The following ITIH5 variants were observed in gnomAD, a reference collection of about 807,000 sequenced individuals.
ITIH5 encodes the protein inter-alpha-trypsin inhibitor heavy chain H5.
In ITIH5, 65 loss-of-function variants were observed where a neutral mutation model predicts 77.5. The observed-to-expected ratio is 0.84, with a 90% CI of 0.69 to 1.03. The LOEUF is 1.03. ITIH5 is among the 50% of genes least tolerant of loss of function. The probability of loss-of-function intolerance (pLI) is 0.00; values close to 1 mark genes in which losing one functional copy is unlikely to be tolerated. For synonymous variants in ITIH5, 525 were observed against 494.3 expected, an observed-to-expected ratio of 1.06 and a Z score of -0.82; for missense variants, 1,208 against 1,213.1, an observed-to-expected ratio of 1.00 and a Z score of 0.06.
chr10:7,647,719 T>C (rs1221377059), intron 2 of ITIH5, among the ~76,000 whole-genome samples: 2 of 152,218 alleles, frequency 1.3e-5, no homozygotes, highest in Admixed American at 6.5e-5. Flanking sequence ...CTTTGTTATG[T>C]TTTGTAAACT....
At chr10:7,636,579 A>G (rs577782624) in intron 5 of ITIH5, among the ~76,000 whole-genome samples, 12 of 152,276 alleles carry the variant, frequency 7.9e-5, no homozygotes, top group African/African-American at 2.9e-4. Flanking sequence ...ATATAATTGA[A>G]TCTTTAGGCT....
In ITIH5 at chr10:7,561,177, G is replaced by C. The variant is rs1006590307; in HGVS notation, c.*1906C>G. The C allele has an allele frequency of 6.6e-6, 1 of 152,206 alleles. No individual in the cohort carries two copies. The highest frequency in any genetic ancestry group is 1.5e-5 in the Non-Finnish European group (1 of 68,038). 9.4% of individuals were successfully genotyped at this position (152,206 alleles called of 1,614,324 possible). A position where few individuals can be genotyped will look rare whatever the true frequency, so the allele number is the denominator to read the frequency against. ...TTTTCTGAGCAAGCAAGTTAGCTAT[G>C]GATAGCTCATTGGAATGTTTTTCTC... On this transcript the variant is annotated 3_prime_UTR_variant, in exon 14 of 14. Transcript: ENST00000397146.
At chr10:7,585,671 GT>G (rs1832658144) in intron 8 of ITIH5, among the ~76,000 whole-genome samples, 1 of 152,054 alleles carries the variant, frequency 6.6e-6, no homozygotes, top group African/African-American at 2.4e-5. Flanking sequence ...CACCTATCAG[GT>G]TATTTTCCCC....
In ITIH5 at chr10:7,563,162, C is replaced by G. The variant is rs781142532; in HGVS notation, c.2750G>C (p.Gly917Ala). The G allele has an allele frequency of 1.4e-4, 220 of 1,614,156 alleles. 1 individual carries two copies. The East Asian group carries it at 4.8e-3, about 35-fold the overall frequency. The change falls in exon 14 of 14, where the codon GGG (glycine) becomes GCG (alanine). Residue 917 changes from glycine to alanine, a missense_variant. Transcript: ENST00000397146. ...GGATGCCAGGTAATCCTTGTACTCC[C>G]CGTCAATCAGTTTGGCGGCATTGTT... ...ARNNAAKLIDGEYKDYLASHP... is the reference protein window; with the variant it reads ...ARNNAAKLIDAEYKDYLASHP...
chr10:7,629,602 C>T (rs143337423), intron 5 of ITIH5, among the ~76,000 whole-genome samples: 163 of 132,928 alleles, frequency 1.2e-3, no homozygotes, highest in African/African-American at 4.0e-3. Context: ...CATGTTGTAG[C>T]GTGTATCCAT....
Position 7,584,663 on chromosome 10 carries a change from A to C in ITIH5, c.1108+1238T>G, listed in dbSNP as rs183822711. ...GCCCCCACTCCACCAGCACACACACATCATTCTGCTAGTAAGCAGGGCCAT... is the reference window on the plus strand; with the variant it reads ...GCCCCCACTCCACCAGCACACACACCTCATTCTGCTAGTAAGCAGGGCCAT... On this transcript the variant is annotated intron_variant, in intron 8 of 13. Transcript: ENST00000397146. 2.0e-5 allele frequency among the ~76,000 whole-genome samples: 3 copies of C among 152,236 alleles called. No individual in the cohort carries two copies. In the East Asian group the frequency reaches 5.8e-4, roughly 29 times the overall value.
chr10:7,646,226 A>G (rs1465551666), intron 2 of ITIH5, among the ~76,000 whole-genome samples: 1 of 152,232 alleles, frequency 6.6e-6, no homozygotes, highest in East Asian at 1.9e-4. Flanking sequence ...CCACAAACTC[A>G]GTATATTCTA....
At chr10:7,654,373 C>G (rs528690203) in intron 2 of ITIH5, among the ~76,000 whole-genome samples, 40 of 152,306 alleles carry the variant, frequency 2.6e-4, no homozygotes, top group Non-Finnish European at 4.6e-4. Flanking sequence ...GCACAATTTG[C>G]AAGCAGAGAC....
rs538015221 is a variant in ITIH5, at chr10:7,593,970, A to G, written c.940-7901T>C. Among the ~76,000 whole-genome samples, 13 of 152,368 alleles carry G rather than the reference A, an allele frequency of 8.5e-5. No homozygotes were observed. The South Asian group carries it at 2.7e-3, about 32-fold the overall frequency. Reference sequence around the variant, plus strand: ...TCCTGTGGGAGGCTTAAGAGGAAAGAGGAGGAGCGTCCACACAGAAGGGTT... The same window carrying G: ...TCCTGTGGGAGGCTTAAGAGGAAAGGGGAGGAGCGTCCACACAGAAGGGTT... On this transcript the variant is annotated intron_variant, in intron 7 of 13. Coordinates refer to ENST00000397146, the MANE Select transcript of ITIH5 (RefSeq NM_030569.7).
chr10:7,602,538 C>T (rs904180712), intron 7 of ITIH5, among the ~76,000 whole-genome samples: 2 of 152,192 alleles, frequency 1.3e-5, no homozygotes, highest in Non-Finnish European at 2.9e-5. Flanking sequence ...CCCCTGCTTG[C>T]ACTCACTCTG....
At chr10:7,662,147 C>G (rs1343615586) in intron 1 of ITIH5, among the ~76,000 whole-genome samples, 1 of 152,144 alleles carries the variant, frequency 6.6e-6, no homozygotes, top group East Asian at 1.9e-4. Flanking sequence ...CATCTGAGAT[C>G]AGGAGTTCGA....
chr10:7,606,227 C>T (rs10752113), intron 7 of ITIH5, among the ~76,000 whole-genome samples: 113,997 of 152,160 alleles, frequency 0.75, 42,846 homozygotes, highest in Admixed American at 0.8. Context: ...GGAGCTCCTA[C>T]TCAATCCAGC....
chr10:7,578,806 A>G (rs7922012), intron 9 of ITIH5: 79,359 of 151,660 alleles, frequency 0.52, 21,006 homozygotes, highest in East Asian at 0.77. Flanking sequence ...ACAGCAAAGG[A>G]GCAGACTGAT....
chr10:7,660,679 G>A (rs1477672298), intron 1 of ITIH5, among the ~76,000 whole-genome samples: 12 of 152,326 alleles, frequency 7.9e-5, no homozygotes, highest in African/African-American at 2.6e-4. Flanking sequence ...TCATGACTGA[G>A]GGAGGAAGAG....
chr10:7,594,762 G>A (rs1233687534), intron 7 of ITIH5, among the ~76,000 whole-genome samples: 1 of 152,178 alleles, frequency 6.6e-6, no homozygotes, highest in Non-Finnish European at 1.5e-5. Context: ...GTCACTGCCT[G>A]ACAACTCCTG....
In ITIH5 at chr10:7,569,703, TC is replaced by T. The variant is rs746582711; in HGVS notation, c.2113del (p.Asp705ThrfsTer16). 3.7e-6 allele frequency: 6 copies of T among 1,612,530 alleles called. No homozygotes were observed. Among genetic ancestry groups the T allele is most frequent in the Non-Finnish European group, 5.1e-6 (6 of 1,179,422 alleles). On this transcript the variant is annotated frameshift_variant, in exon 12 of 14. Transcript: ENST00000397146. LOFTEE classifies it high-confidence loss of function. ...VCFNIDGQPG[D>X]ILRLVSDHRD... ...GTGATCAGAGACCAGCCTGAGGATG[TC>T]CCCGGGCTGCCCATCAATGTTGAAG... is the stretch of plus-strand genomic sequence containing the variant.
chr10:7,659,108 G>A (rs1264285588), intron 1 of ITIH5, among the ~76,000 whole-genome samples: 1 of 152,152 alleles, frequency 6.6e-6, no homozygotes, highest in East Asian at 1.9e-4. Flanking sequence ...TGGGCACGGT[G>A]GCTCATGCCT....
chr10:7,603,142 C>T (rs1054228530), intron 7 of ITIH5, among the ~76,000 whole-genome samples: 1 of 152,204 alleles, frequency 6.6e-6, no homozygotes, highest in Non-Finnish European at 1.5e-5. Flanking sequence ...CAAGCTCAAA[C>T]TCACCTCACG....
chr10:7,625,631 G>A (rs1833564159), intron 5 of ITIH5, among the ~76,000 whole-genome samples: 1 of 152,024 alleles, frequency 6.6e-6, no homozygotes, highest in Non-Finnish European at 1.5e-5. Flanking sequence ...CGGGCCTGGT[G>A]GCGTGAGCTT....
Sources: allele counts gnomAD v4.1 joint callset (sites outside exome capture counted in the v4.1 genomes callset), GRCh38; gene constraint gnomAD v4.1.1; transcripts MANE v1.5; gene names NCBI Gene and HGNC (gene_info 2026-07-23, HGNC 2026-07-21).